ATP1A1: variants seen among roughly 807,000 people sequenced by gnomAD.
ATP1A1 encodes sodium/potassium-transporting ATPase subunit alpha-1.
Under a neutral mutation model 114.8 loss-of-function variants are expected in ATP1A1, and 14 were observed. That is an observed-to-expected ratio of 0.12 (90% confidence interval 0.08 to 0.19). The LOEUF is 0.19. ATP1A1 is among the 10% of genes least tolerant of loss of function. The pLI is 1.00. For synonymous variants in ATP1A1, 471 were observed against 466.3 expected (o/e 1.01, Z -0.13); for missense variants, 524 against 1,290.7 (o/e 0.41, Z 9.10).
At position 116,373,370 on chromosome 1, in the gene ATP1A1, T is replaced by TACCCC; in HGVS notation, c.-142_-141insACCCC. ...CATCGGCCCGAGCCGCCGGCCGCCC[T>TACCCC]CCCACCCTCCCGCCCCGCGGCAGCC... On this transcript the variant is annotated 5_prime_UTR_variant, in exon 1 of 23. Coordinates refer to ENST00000295598, the MANE Select transcript of ATP1A1 (RefSeq NM_000701.8). 1.2e-5 allele frequency: 4 copies of TACCCC among 333,836 alleles called. No homozygotes were observed. Among genetic ancestry groups the TACCCC allele is most frequent in the East Asian group, 8.9e-5 (1 of 11,240 alleles). 20.7% of individuals were successfully genotyped at this position (333,836 alleles called of 1,614,324 possible). A position where few individuals can be genotyped will look rare whatever the true frequency, so the allele number is the denominator to read the frequency against.
Position 116,384,168 on chromosome 1 carries a change from C to T in ATP1A1, c.123+44C>T, listed in dbSNP as rs751184308. The T allele has an allele frequency of 6.5e-7, 1 of 1,537,670 alleles. No homozygotes were observed. The highest frequency in any genetic ancestry group is 2.3e-5 in the East Asian group (1 of 44,156). On this transcript the variant is annotated intron_variant, in intron 2 of 22. Coordinates refer to ENST00000295598, the MANE Select transcript of ATP1A1 (RefSeq NM_000701.8). This position sits in a 1 kb window ranked among gnomAD's most constrained non-coding sequence, Gnocchi z 5.1. ...ATTGTATTCCATCCTTATTAAAAATCCATGATTTTTAATCCCCCAGGCCTC... is the reference window on the plus strand; with the variant it reads ...ATTGTATTCCATCCTTATTAAAAATTCATGATTTTTAATCCCCCAGGCCTC...
chr1:116,384,191 C>G lies in ATP1A1; in HGVS notation c.123+67C>G, dbSNP rs571755340. ...ATCCATGATTTTTAATCCCCCAGGCCTCACTGTATTCTTCAAAGAACTGCT... is the reference window on the plus strand; with the variant it reads ...ATCCATGATTTTTAATCCCCCAGGCGTCACTGTATTCTTCAAAGAACTGCT... On this transcript the variant is annotated intron_variant, in intron 2 of 22. Transcript: ENST00000295598. This position sits in a 1 kb window ranked among gnomAD's most constrained non-coding sequence, Gnocchi z 5.1. 5.3e-6 allele frequency: 7 copies of G among 1,315,534 alleles called. No homozygotes were observed. The South Asian group carries it at 6.3e-5, about 12-fold the overall frequency. The allele number at this position is 1,315,534 out of a possible 1,614,324, so 81.5% of individuals were successfully genotyped here.
Position 116,388,906 on chromosome 1 carries a change from A to G in ATP1A1, c.641A>G (p.Asp214Gly). 6.2e-7 allele frequency: 1 copy of G among 1,614,196 alleles called. No individual in the cohort carries two copies. Among genetic ancestry groups the G allele is most frequent in the Non-Finnish European group, 8.5e-7 (1 of 1,180,026 alleles). ...RIISANGCKVDNSSLTGESEP... is the reference protein window; with the variant it reads ...RIISANGCKVGNSSLTGESEP... ...TCTTCTTTTCCTCACATATAGGTGG[A>G]TAACTCCTCGCTCACTGGTGAATCA... The change falls in exon 7 of 23, where the codon GAT becomes GGT. Residue 214 changes from aspartate to glycine, a missense_variant. Physicochemically the swap from Asp to Gly is moderately conservative, Grantham distance 94. Coordinates refer to ENST00000295598, the MANE Select transcript of ATP1A1 (RefSeq NM_000701.8). This position sits in a 1 kb window ranked among gnomAD's most constrained non-coding sequence, Gnocchi z 5.6.
At position 116,390,320 on chromosome 1, in the gene ATP1A1, A is replaced by G. The variant is rs769904404; in HGVS notation, c.1131A>G (p.Lys377=). 1 of 1,614,120 alleles carries G rather than the reference A, an allele frequency of 6.2e-7. No homozygotes were observed. Residue 377 remains lysine, a synonymous_variant, in exon 9 of 23, where the codon AAA becomes AAG. Coordinates refer to ENST00000295598, the MANE Select transcript of ATP1A1 (RefSeq NM_000701.8). ...LGSTSTICSD[K]TGTLTQNRMT... is the part of the protein sequence containing the mutation. ...CCACGTCCACCATCTGCTCTGATAA[A>G]ACTGGAACTCTGACTCAGAACCGGA...
chr1:116,383,167 C>T (rs750714023), intron 1 of ATP1A1, among the ~76,000 whole-genome samples: 9 of 152,140 alleles, frequency 5.9e-5, no homozygotes, highest in Non-Finnish European at 1.0e-4. Flanking sequence ...ATAATGCACA[C>T]GCTTTTCCTA....
In ATP1A1 at chr1:116,398,186, TAG is replaced by T; in HGVS notation, c.2124+153_2124+154del. 8.5e-7 allele frequency: 1 copy of T among 1,172,212 alleles called. No individual in the cohort carries two copies. The highest frequency in any genetic ancestry group is 1.2e-6 in the Non-Finnish European group (1 of 853,102). The allele number at this position is 1,172,212 out of a possible 1,614,324, so 72.6% of individuals were successfully genotyped here. A position where few individuals can be genotyped will look rare whatever the true frequency, so the allele number is the denominator to read the frequency against. On this transcript the variant is annotated intron_variant, in intron 15 of 22. Transcript: ENST00000295598. The surrounding 1 kb of genome is among the most constrained non-coding windows in gnomAD (Gnocchi z 6.1). ...TAGGCCAGTAGGAAGCTCATAGGCA[TAG>T]AGAGGGTGACTTGTTAATGGTTTAG... is the stretch of plus-strand genomic sequence containing the variant.
chr1:116,404,278 T>C lies in ATP1A1; in HGVS notation c.3044-138T>C, dbSNP rs528259797. On this transcript the variant is annotated intron_variant, in intron 22 of 22. Transcript: ENST00000295598. The surrounding 1 kb of genome is among the most constrained non-coding windows in gnomAD (Gnocchi z 4.8). The stretch of plus-strand genomic sequence containing the variant: ...CCTAAAAACATGTAAATAAGTACAG[T>C]TGAGGTCCCATGTTTGGATTTTAAC... The C allele has an allele frequency of 3.5e-5, 37 of 1,043,124 alleles. No homozygotes were observed. The African/African-American group carries it at 5.7e-4, about 16-fold the overall frequency. 64.6% of individuals were successfully genotyped at this position (1,043,124 alleles called of 1,614,324 possible).
intron 21 of ATP1A1, among the ~76,000 whole-genome samples, chr1:116,403,212 AGAG>A (rs1430717691): frequency 1.2e-4 from 18 of 152,280 alleles, no homozygotes; most frequent in Admixed American, 5.9e-4. Context: ...CACAGGAAGA[AGAG>A]GAGACCACCG....
chr1:116,389,065 G>A lies in ATP1A1; in HGVS notation c.754+46G>A. On this transcript the variant is annotated intron_variant, in intron 7 of 22. Transcript: ENST00000295598. This position sits in a 1 kb window ranked among gnomAD's most constrained non-coding sequence, Gnocchi z 6.9. ...TTGAGCATGGCGTGGTATTTCTCTT[G>A]GGCATTAACAAAATCAAAACCATAG... The A allele has an allele frequency of 6.6e-7, 1 of 1,517,748 alleles. No homozygotes were observed. The highest frequency in any genetic ancestry group is 9.1e-7 in the Non-Finnish European group (1 of 1,097,548). 94.0% of individuals were successfully genotyped at this position (1,517,748 alleles called of 1,614,324 possible). A position where few individuals can be genotyped will look rare whatever the true frequency, so the allele number is the denominator to read the frequency against.
rs1439656047 is a variant in ATP1A1 at position 116,399,193 on chromosome 1, T to G, written c.2448+109T>G. The stretch of plus-strand genomic sequence containing the variant: ...TGAGGCTGGCGTTGGGAAAAGAAAT[T>G]CTCAGGACCAGTATCCAGTGTGTGT... On this transcript the variant is annotated intron_variant, in intron 17 of 22. Coordinates refer to ENST00000295598, the MANE Select transcript of ATP1A1 (RefSeq NM_000701.8). This position sits in a 1 kb window ranked among gnomAD's most constrained non-coding sequence, Gnocchi z 5.0. 6.6e-7 allele frequency: 1 copy of G among 1,516,876 alleles called. No individual in the cohort carries two copies. The highest frequency in any genetic ancestry group is 1.8e-5 in the Admixed American group (1 of 57,068). 94.0% of individuals were successfully genotyped at this position (1,516,876 alleles called of 1,614,324 possible).
chr1:116,387,476 A>T lies in ATP1A1; in HGVS notation c.372A>T (p.Glu124Asp), dbSNP rs756497821. The change falls in exon 4 of 23, where the codon GAA (glutamate) becomes GAT (aspartate). Residue 124 changes from glutamate (E) to aspartate (D), a missense_variant. By Grantham distance (45) the Glu-to-Asp change is conservative. Coordinates refer to ENST00000295598, the MANE Select transcript of ATP1A1 (RefSeq NM_000701.8). The surrounding 1 kb of genome is among the most constrained non-coding windows in gnomAD (Gnocchi z 6.7). ...GCATCCAAGCTGCTACAGAAGAGGAACCTCAAAACGATAATGTGAGTTCTG... is the reference window on the plus strand; with the variant it reads ...GCATCCAAGCTGCTACAGAAGAGGATCCTCAAAACGATAATGTGAGTTCTG... Reference protein sequence around the residue: ...AYSIQAATEEEPQNDNLYLGV... With the variant: ...AYSIQAATEEDPQNDNLYLGV... The T allele has an allele frequency of 7.4e-6, 12 of 1,614,094 alleles. No individual in the cohort carries two copies. In the Admixed American group the frequency reaches 1.8e-4, roughly 25 times the overall value.
chr1:116,395,282 T>C lies in ATP1A1; in HGVS notation c.1833T>C (p.Ile611=). 6.2e-7 allele frequency: 1 copy of C among 1,613,984 alleles called. No homozygotes were observed. The highest frequency in any genetic ancestry group is 1.7e-4 in the Middle Eastern group (1 of 6,000). Residue 611 remains isoleucine, a synonymous_variant, in exon 13 of 23, where the codon ATT becomes ATC. Transcript: ENST00000295598. The surrounding 1 kb of genome is among the most constrained non-coding windows in gnomAD (Gnocchi z 6.4). ...DAVGKCRSAG[I]KVIMVTGDHP... Reference sequence around the variant, plus strand: ...TGGGCAAATGTCGAAGTGCTGGAATTAAGGTAGTGCCCAGGCGCCTCCTTG... The same window carrying C: ...TGGGCAAATGTCGAAGTGCTGGAATCAAGGTAGTGCCCAGGCGCCTCCTTG...
rs934613178 is a variant in ATP1A1 at position 116,389,769 on chromosome 1, G to A, written c.1023+62G>A. ...GCTTGCACGAATGTTACACTCTTCCGCTATCCTATTCTAAGGTATTGCCAA... is the reference window on the plus strand; with the variant it reads ...GCTTGCACGAATGTTACACTCTTCCACTATCCTATTCTAAGGTATTGCCAA... On this transcript the variant is annotated intron_variant, in intron 8 of 22. Transcript: ENST00000295598. The surrounding 1 kb of genome is among the most constrained non-coding windows in gnomAD (Gnocchi z 6.9). The A allele has an allele frequency of 2.2e-5, 35 of 1,596,948 alleles. 1 individual carries two copies. The highest frequency in any genetic ancestry group is 1.7e-4 in the Middle Eastern group (1 of 6,000).
rs559959849 is a variant in ATP1A1, at chr1:116,399,873, C to T, written c.2572+330C>T. 5.3e-5 allele frequency among the ~76,000 whole-genome samples: 8 copies of T among 152,346 alleles called. No homozygotes were observed. The highest frequency in any genetic ancestry group is 1.7e-4 in the African/African-American group (7 of 41,584). ...GCATGGTTCTAAGGAATTGTGTGTACTGACGCACAGGCTGCTTTCCCTGGA... is the reference window on the plus strand; with the variant it reads ...GCATGGTTCTAAGGAATTGTGTGTATTGACGCACAGGCTGCTTTCCCTGGA... On this transcript the variant is annotated intron_variant, in intron 18 of 22. Coordinates refer to ENST00000295598, the MANE Select transcript of ATP1A1 (RefSeq NM_000701.8). The surrounding 1 kb of genome is among the most constrained non-coding windows in gnomAD (Gnocchi z 5.0).
Position 116,395,313 on chromosome 1 carries a change from A to G in ATP1A1, c.1836+28A>G. On this transcript the variant is annotated intron_variant, in intron 13 of 22. Transcript: ENST00000295598. This position sits in a 1 kb window ranked among gnomAD's most constrained non-coding sequence, Gnocchi z 6.4. Reference sequence around the variant, plus strand: ...AGTGCCCAGGCGCCTCCTTGGCTTCATCTCTTAGTGCCTTGGGACACCCTA... The same window carrying G: ...AGTGCCCAGGCGCCTCCTTGGCTTCGTCTCTTAGTGCCTTGGGACACCCTA... 1 of 1,610,630 alleles carries G rather than the reference A, an allele frequency of 6.2e-7. No homozygotes were observed. Among genetic ancestry groups the G allele is most frequent in the Non-Finnish European group, 8.5e-7 (1 of 1,178,476 alleles).
chr1:116,389,605 C>T lies in ATP1A1; in HGVS notation c.921C>T (p.Phe307=). 1.9e-6 allele frequency: 3 copies of T among 1,614,194 alleles called. No homozygotes were observed. The highest frequency in any genetic ancestry group is 2.5e-6 in the Non-Finnish European group (3 of 1,180,032). The part of the protein sequence containing the change: ...GVAVFLGVSF[F]ILSLILEYTW... ...CTGTGTTCCTGGGTGTGTCTTTCTT[C>T]ATCCTTTCTCTCATCCTTGAGTACA... The change falls in exon 8 of 23, where the codon TTC becomes TTT. Residue 307 remains phenylalanine, a synonymous_variant. Coordinates refer to ENST00000295598, the MANE Select transcript of ATP1A1 (RefSeq NM_000701.8). The surrounding 1 kb of genome is among the most constrained non-coding windows in gnomAD (Gnocchi z 6.9).
At chr1:116,374,383 A>G (rs1651212840) in intron 1 of ATP1A1, 2 of 1,251,734 alleles carry the variant, frequency 1.6e-6, no homozygotes, top group Admixed American at 2.1e-5. Flanking sequence ...AGGCAGACCC[A>G]CCAGGGCCTC....
intron 1 of ATP1A1, among the ~76,000 whole-genome samples, chr1:116,377,741 G>A (rs1448016762): frequency 5.3e-5 from 8 of 152,214 alleles, no homozygotes; most frequent in Non-Finnish European, 1.2e-4. Context: ...CAACAGGCTA[G>A]AAGAAGAAAC....
chr1:116,395,097 G>A lies in ATP1A1; in HGVS notation c.1661-13G>A, dbSNP rs1323613733. 6.2e-7 allele frequency: 1 copy of A among 1,612,548 alleles called. No homozygotes were observed. The highest frequency in any genetic ancestry group is 8.5e-7 in the Non-Finnish European group (1 of 1,179,180). The stretch of plus-strand genomic sequence containing the variant: ...GTCACTGAAATTTTCAAAGGCTCCT[G>A]TCCTCCTCGCAGGTTTCTGCCACCT... On this transcript the variant is annotated splice_polypyrimidine_tract_variant and intron_variant, in intron 12 of 22. Coordinates refer to ENST00000295598, the MANE Select transcript of ATP1A1 (RefSeq NM_000701.8). The surrounding 1 kb of genome is among the most constrained non-coding windows in gnomAD (Gnocchi z 6.4).
Sources: gnomAD v4.1 joint callset for allele counts (sites outside exome capture counted in the v4.1 genomes callset) on GRCh38, gnomAD v4.1.1 for gene constraint, Gnocchi (gnomAD v3.1) non-coding constraint, MANE v1.5 for transcripts, NCBI Gene and HGNC (gene_info 2026-07-23, HGNC 2026-07-21) for gene names.